Variants in ANKRD62 observed in about 807,000 individuals in gnomAD.
ANKRD62 encodes ankyrin repeat domain 62, also known as ankyrin repeat domain-containing protein 62.
ANKRD62 carries 61 observed loss-of-function variants against 98.8 expected under a neutral mutation model. The observed-to-expected ratio is 0.62, with a 90% CI of 0.50 to 0.76. The LOEUF is 0.76. Among genes scored for constraint, ANKRD62 ranks in the 30% least tolerant of loss-of-function variants. The pLI is 0.00. For synonymous variants in ANKRD62, 341 were observed against 367.9 expected (o/e 0.93, Z 0.84); for missense variants, 933 against 1,082.9 (o/e 0.86, Z 1.94).
At chr18:12,159,225 G>A in the ANKRD62 span, among the ~76,000 whole-genome samples, 1 of 152,134 alleles carries the variant, frequency 6.6e-6, no homozygotes, top group Admixed American at 6.6e-5. Context: ...GAAGAGGTGA[G>A]GAGAATAGTC....
the ANKRD62 span, among the ~76,000 whole-genome samples, chr18:12,135,392 A>G: frequency 6.6e-6 from 1 of 151,160 alleles, no homozygotes; most frequent in Non-Finnish European, 1.5e-5. Context: ...TTATGGCTGC[A>G]TAGTATTCCA....
chr18:12,140,379 A>C, the ANKRD62 span, among the ~76,000 whole-genome samples: 1 of 151,978 alleles, frequency 6.6e-6, no homozygotes, highest in Admixed American at 6.5e-5. Context: ...GCTTTGTTCC[A>C]TTGCTGGTGA....
At chr18:12,100,504 C>T (rs1909277372) in intron 6 of ANKRD62, among the ~76,000 whole-genome samples, 1 of 152,086 alleles carries the variant, frequency 6.6e-6, no homozygotes, top group Non-Finnish European at 1.5e-5. Context: ...CAGAGATTAA[C>T]TCTGACATGG....
chr18:12,102,909 C>T (rs1277852373), intron 6 of ANKRD62: 4 of 550,656 alleles, frequency 7.3e-6, no homozygotes, highest in Non-Finnish European at 7.7e-6. Context: ...CATTTGTGAG[C>T]GAATCTTTGA....
At chr18:12,158,825 C>T in the ANKRD62 span, among the ~76,000 whole-genome samples, 20 of 152,154 alleles carry the variant, frequency 1.3e-4, no homozygotes, top group Middle Eastern at 3.4e-3. Flanking sequence ...TGAGCCACCG[C>T]GCCCGGCCAG....
In ANKRD62 at chr18:12,107,484, A is replaced by G. The variant is rs1432474098; in HGVS notation, c.1064+17A>G. On this transcript the variant is annotated intron_variant, in intron 8 of 13. Coordinates refer to ENST00000587848, the MANE Select transcript of ANKRD62 (RefSeq NM_001277333.2). ...GTTTGATAGGTAATCCTGTAGCGAT[A>G]GTTAACAGCGGATCACTGTTAATTG... is the stretch of plus-strand genomic sequence containing the variant. The G allele has an allele frequency of 2.0e-6, 3 of 1,469,930 alleles. No individual in the cohort carries two copies. Among genetic ancestry groups the G allele is most frequent in the Admixed American group, 2.5e-5 (1 of 40,812 alleles). 91.1% of individuals were successfully genotyped at this position (1,469,930 alleles called of 1,614,324 possible). A position where few individuals can be genotyped will look rare whatever the true frequency, so the allele number is the denominator to read the frequency against.
chr18:12,106,156 A>G (rs980096435), intron 7 of ANKRD62, among the ~76,000 whole-genome samples: 3 of 152,232 alleles, frequency 2.0e-5, no homozygotes, highest in African/African-American at 7.2e-5. Context: ...AAACAAATGT[A>G]TATAGATATC....
chr18:12,140,106 A>G, the ANKRD62 span, among the ~76,000 whole-genome samples: 1 of 152,152 alleles, frequency 6.6e-6, no homozygotes, highest in Non-Finnish European at 1.5e-5. Flanking sequence ...TTCGTCTTCC[A>G]TCACTGATAC....
chr18:12,165,814 C>CT, the ANKRD62 span, among the ~76,000 whole-genome samples: 5 of 151,786 alleles, frequency 3.3e-5, no homozygotes, highest in Admixed American at 2.0e-4. Context: ...CTCCCTTTAG[C>CT]TTTTTTTTGT....
intron 11 of ANKRD62, among the ~76,000 whole-genome samples, chr18:12,123,613 C>T (rs757013626): frequency 3.9e-5 from 6 of 152,100 alleles, no homozygotes; most frequent in Non-Finnish European, 5.9e-5. Flanking sequence ...TATGGGGTAA[C>T]ATCTTAGATT....
chr18:12,153,307 C>T, the ANKRD62 span, among the ~76,000 whole-genome samples: 1 of 151,996 alleles, frequency 6.6e-6, no homozygotes. Context: ...CTAGAAAAAA[C>T]GGGCCAGGCA....
At chr18:12,095,113 GT>G in intron 1 of ANKRD62, 57 bp from the exon 2 acceptor site, 4 of 1,176,164 alleles carry the variant, frequency 3.4e-6, no homozygotes, top group Non-Finnish European at 1.2e-6. Context: ...TGCATGCGTC[GT>G]TGTATGTTTT....
rs912651793 is a variant in ANKRD62, at chr18:12,129,363, A to C, written c.*1424A>C. ...GAGCCATAAGATCCCTGTTGCAACA[A>C]CTCAACACTACAGTTACAGCACAAA... On this transcript the variant is annotated 3_prime_UTR_variant, in exon 14 of 14. Transcript: ENST00000587848. 1.3e-5 allele frequency: 2 copies of C among 152,188 alleles called. No homozygotes were observed. Among genetic ancestry groups the C allele is most frequent in the African/African-American group, 4.8e-5 (2 of 41,442 alleles). The allele number at this position is 152,188 out of a possible 1,614,324, so 9.4% of individuals were successfully genotyped here.
chr18:12,180,698 C>G, the ANKRD62 span, among the ~76,000 whole-genome samples: 1 of 151,644 alleles, frequency 6.6e-6, no homozygotes, highest in Non-Finnish European at 1.5e-5. Flanking sequence ...GTCTGCCTAC[C>G]TGCCAATGGG....
Position 12,125,701 on chromosome 18 carries a change from T to C in ANKRD62, c.1880T>C (p.Val627Ala). ...ACCCGGTATAGTAAAGAGCTTAATG[T>C]TCTGATGGATGAGAATACAATGCTC... is the stretch of plus-strand genomic sequence containing the variant. The part of the protein sequence containing the change: ...TITRYSKELN[V>A]LMDENTMLNS... Residue 627 changes from valine (V) to alanine (A), a missense_variant, in exon 13 of 14, where the codon GTT becomes GCT. Physicochemically the swap from Val to Ala is moderately conservative, Grantham distance 64. Around this residue, in one of 3 missense-constraint regions of ANKRD62, gnomAD observed 362 missense variants for 434.5 expected, o/e 0.83. Coordinates refer to ENST00000587848, the MANE Select transcript of ANKRD62 (RefSeq NM_001277333.2). 6.5e-7 allele frequency: 1 copy of C among 1,540,134 alleles called. No homozygotes were observed. The highest frequency in any genetic ancestry group is 8.7e-7 in the Non-Finnish European group (1 of 1,146,878).
At chr18:12,119,482 T>G (rs1293859152) in intron 10 of ANKRD62, among the ~76,000 whole-genome samples, 1 of 152,064 alleles carries the variant, frequency 6.6e-6, no homozygotes, top group Non-Finnish European at 1.5e-5. Context: ...AAATTTGCTG[T>G]GTGGTAAGGA....
intron 6 of ANKRD62, among the ~76,000 whole-genome samples, chr18:12,100,973 G>A (rs1026523585): frequency 1.3e-5 from 2 of 152,086 alleles, no homozygotes; most frequent in African/African-American, 4.8e-5. Flanking sequence ...CTTTGAAGTA[G>A]GACACATGCT....
At chr18:12,102,023 A>C in intron 6 of ANKRD62, 2 of 1,364,846 alleles carry the variant, frequency 1.5e-6, no homozygotes, top group Non-Finnish European at 2.1e-6. Flanking sequence ...ACAGCTTTGC[A>C]GATGCCCACA....
the ANKRD62 span, among the ~76,000 whole-genome samples, chr18:12,170,422 C>T: frequency 1.3e-5 from 2 of 152,232 alleles, no homozygotes; most frequent in East Asian, 3.9e-4. Context: ...TGTTCAGTTT[C>T]GATGTAGTTG....
Sources: gnomAD v4.1 joint callset for allele counts (sites outside exome capture counted in the v4.1 genomes callset) on GRCh38, gnomAD v4.1.1 for gene constraint, gnomAD v4.1.1 regional missense constraint, MANE v1.5 for transcripts, NCBI Gene and HGNC (gene_info 2026-07-23, HGNC 2026-07-21) for gene names.